Variants in SMARCA2 observed in about 807,000 individuals in gnomAD.
SMARCA2 encodes SWI/SNF related BAF chromatin remodeling complex subunit ATPase 2, also known as SWI/SNF-related matrix-associated actin-dependent regulator of chromatin subfamily A member 2.
A neutral mutation model predicts 199.8 loss-of-function variants in SMARCA2; 61 were observed. That is an observed-to-expected ratio of 0.31 (90% CI 0.25 to 0.38). SMARCA2 has a LOEUF of 0.38. Ranked by LOEUF, SMARCA2 falls within the 10% of genes least tolerant of loss-of-function variation. SMARCA2 has a pLI of 1.00. For missense variants in SMARCA2, 1,344 were observed against 2,012.2 expected (o/e 0.67, Z 6.35); for synonymous variants, 935 against 732.0 (o/e 1.28, Z -4.48).
intron 5 of SMARCA2, among the ~76,000 whole-genome samples, chr9:2,052,427 GA>G (rs1290657019): frequency 6.6e-5 from 10 of 152,074 alleles, no homozygotes; most frequent in Non-Finnish European, 4.4e-5. Flanking sequence ...AGTGAGCAGA[GA>G]TAGTGCCACT....
At chr9:2,130,007 C>T (rs1823869705) in intron 27 of SMARCA2, among the ~76,000 whole-genome samples, 1 of 152,108 alleles carries the variant, frequency 6.6e-6, no homozygotes, top group African/African-American at 2.4e-5. Flanking sequence ...GTACATGCCA[C>T]CATGCCCGGC....
At chr9:2,074,903 G>A (rs1047419078) in intron 12 of SMARCA2, among the ~76,000 whole-genome samples, 16 of 152,188 alleles carry the variant, frequency 1.1e-4, no homozygotes, top group African/African-American at 3.6e-4. Flanking sequence ...CTTTTTGGGG[G>A]ATGCTATTTG....
chr9:2,066,310 A>G (rs535222978), intron 9 of SMARCA2, among the ~76,000 whole-genome samples: 63 of 152,374 alleles, frequency 4.1e-4, no homozygotes, highest in African/African-American at 1.5e-3. Context: ...AAAATGGCCT[A>G]CTGAAGTCTT....
At chr9:2,033,781 C>A (rs1341413280) in intron 3 of SMARCA2, among the ~76,000 whole-genome samples, 1 of 152,222 alleles carries the variant, frequency 6.6e-6, no homozygotes, top group Non-Finnish European at 1.5e-5. Context: ...CAATCCTTGG[C>A]ATTCCTGGAC....
chr9:2,145,363 A>C (rs114693429), intron 27 of SMARCA2, among the ~76,000 whole-genome samples: 212 of 152,044 alleles, frequency 1.4e-3, no homozygotes, highest in African/African-American at 4.9e-3. Context: ...GAAAGGAGAG[A>C]TATTTTAAGT....
At position 2,119,475 on chromosome 9, in the gene SMARCA2, G is replaced by C. The variant is rs140458185; in HGVS notation, c.3702G>C (p.Pro1234=). The change falls in exon 26 of 34, where the codon CCG becomes CCC. Residue 1234 remains proline, a synonymous_variant. Coordinates refer to ENST00000349721, the MANE Select transcript of SMARCA2 (RefSeq NM_003070.5). This position sits in a 1 kb window ranked among gnomAD's most constrained non-coding sequence, Gnocchi z 4.6. ...EEENEEEDEV[P]DDETLNQMIA... is the part of the protein sequence containing the mutation. ...AACCCCAGGAAGAAGATGAAGTACC[G>C]GACGATGAGACTCTGAACCAAATGA... The C allele has an allele frequency of 2.5e-6, 4 of 1,612,824 alleles. No homozygotes were observed. The highest frequency in any genetic ancestry group is 1.1e-5 in the South Asian group (1 of 91,030).
At chr9:2,180,592 C>G (rs938493492) in intron 29 of SMARCA2, among the ~76,000 whole-genome samples, 4 of 152,144 alleles carry the variant, frequency 2.6e-5, no homozygotes, top group Non-Finnish European at 4.4e-5. Context: ...GAGATGGCAT[C>G]CTAAGGGGAG....
chr9:2,185,389 C>A (rs1334968863), intron 31 of SMARCA2, among the ~76,000 whole-genome samples: 1 of 152,126 alleles, frequency 6.6e-6, no homozygotes, highest in Non-Finnish European at 1.5e-5. Flanking sequence ...AATGTATAGA[C>A]TATAGTTGCT....
intron 27 of SMARCA2, among the ~76,000 whole-genome samples, chr9:2,139,727 T>C (rs1247761863): frequency 6.6e-6 from 1 of 152,150 alleles, no homozygotes; most frequent in East Asian, 1.9e-4. Flanking sequence ...ACACCAATCT[T>C]AGGTTCTACG....
intron 9 of SMARCA2, among the ~76,000 whole-genome samples, chr9:2,064,996 A>G (rs1238855650): frequency 6.6e-6 from 1 of 152,198 alleles, no homozygotes; most frequent in Non-Finnish European, 1.5e-5. Context: ...CATCCTGGCT[A>G]ACATGTTGAA....
intron 25 of SMARCA2, among the ~76,000 whole-genome samples, chr9:2,117,660 G>T (rs1823270649): frequency 1.3e-5 from 2 of 152,288 alleles, no homozygotes; most frequent in East Asian, 1.9e-4. Flanking sequence ...GAGAATCAAG[G>T]AAGCCTGGAG....
intron 24 of SMARCA2, among the ~76,000 whole-genome samples, chr9:2,111,291 C>G (rs1013487572): frequency 2.0e-5 from 3 of 151,594 alleles, no homozygotes; most frequent in African/African-American, 7.3e-5. Flanking sequence ...AATTTGAGAC[C>G]AGCCTGGGCA....
rs566009639 is a variant in SMARCA2, at chr9:2,036,830, C to G, written c.356-2636C>G. The stretch of plus-strand genomic sequence containing the variant: ...ATTCTTATGTTTAATGTAACTGTCT[C>G]ACCTTCATAATGTTGCCTTGTTCAT... On this transcript the variant is annotated intron_variant, in intron 3 of 33. Transcript: ENST00000349721. Among the ~76,000 whole-genome samples the G allele has an allele frequency of 4.6e-5, 7 of 152,188 alleles. No individual in the cohort carries two copies. In the South Asian group the frequency reaches 1.5e-3, roughly 32 times the overall value.
At chr9:2,131,915 G>A (rs1460590532) in intron 27 of SMARCA2, among the ~76,000 whole-genome samples, 4 of 147,766 alleles carry the variant, frequency 2.7e-5, no homozygotes, top group Non-Finnish European at 5.9e-5. Flanking sequence ...CTGCAGCCTG[G>A]CGACAGAGCA....
At chr9:2,154,308 A>G (rs748660864) in intron 27 of SMARCA2, among the ~76,000 whole-genome samples, 1 of 152,234 alleles carries the variant, frequency 6.6e-6, no homozygotes, top group Non-Finnish European at 1.5e-5. Flanking sequence ...CTGCATCAGT[A>G]GTAGTAGAAG....
intron 11 of SMARCA2, 99 bp from the exon 12 acceptor site, chr9:2,073,466 GT>G: frequency 1.3e-6 from 2 of 1,482,216 alleles, no homozygotes; most frequent in Non-Finnish European, 1.9e-6. Context: ...ACTTGGATTT[GT>G]CTTTTATACA....
intron 31 of SMARCA2, among the ~76,000 whole-genome samples, chr9:2,184,548 T>G (rs544014438): frequency 6.6e-6 from 1 of 151,806 alleles, no homozygotes; most frequent in Non-Finnish European, 1.5e-5. Context: ...AGAGATGGGG[T>G]TTCACCATGT....
chr9:2,183,997 C>T (rs976047612), intron 31 of SMARCA2, among the ~76,000 whole-genome samples: 1 of 152,250 alleles, frequency 6.6e-6, no homozygotes, highest in Middle Eastern at 3.4e-3. Flanking sequence ...ACTGGTTTCT[C>T]CCCCAGGCCA....
At chr9:2,060,118 C>CAA (rs372329238) in intron 8 of SMARCA2, among the ~76,000 whole-genome samples, 1,304 of 62,140 alleles carry the variant, frequency 0.021, 105 homozygotes, top group East Asian at 0.15. Flanking sequence ...GATCTGTGGC[C>CAA]AAAAAAAAAA....
Sources: gnomAD v4.1 joint callset for allele counts (sites outside exome capture counted in the v4.1 genomes callset) on GRCh38, gnomAD v4.1.1 for gene constraint, Gnocchi (gnomAD v3.1) non-coding constraint, MANE v1.5 for transcripts, NCBI Gene and HGNC (gene_info 2026-07-23, HGNC 2026-07-21) for gene names.